The following HMGCLL1 variants were observed in gnomAD, a reference collection of about 807,000 sequenced individuals.
The protein encoded by HMGCLL1 is 3-hydroxy-3-methylglutaryl-CoA lyase like 1.
Under a neutral mutation model 39.1 loss-of-function variants are expected in HMGCLL1, and 36 were observed. That is an observed-to-expected ratio of 0.92 (90% CI 0.71 to 1.22). The LOEUF (loss-of-function observed/expected upper bound fraction) is 1.22, where lower values mean the gene tolerates loss of function less well. Among genes scored for constraint, HMGCLL1 ranks in the 50% most tolerant of loss-of-function variants. The pLI, the probability that HMGCLL1 is intolerant of heterozygous loss-of-function variation, is 0.00. For missense variants in HMGCLL1, 451 were observed against 416.5 expected (o/e 1.08, Z -0.72); for synonymous variants, 149 against 144.0 (o/e 1.03, Z -0.25).
chr6:55,595,429 C>T, the HMGCLL1 span, among the ~76,000 whole-genome samples: 4 of 152,162 alleles, frequency 2.6e-5, no homozygotes, highest in Non-Finnish European at 5.9e-5. Context: ...ATATTTATTA[C>T]ATTACCTACA....
chr6:55,643,177 G>A, the HMGCLL1 span, among the ~76,000 whole-genome samples: 2 of 152,176 alleles, frequency 1.3e-5, no homozygotes, highest in South Asian at 4.1e-4. Context: ...TTGCTGGGGT[G>A]AATGGTAATA....
At chr6:55,511,326 C>T (rs9296790) in intron 5 of HMGCLL1, among the ~76,000 whole-genome samples, 103,347 of 151,402 alleles carry the variant, frequency 0.68, 35,259 homozygotes, top group Non-Finnish European at 0.7. Flanking sequence ...CATGGTATCT[C>T]TTCACAATGT....
At chr6:55,600,661 G>GAATAAA in the HMGCLL1 span, among the ~76,000 whole-genome samples, 3 of 151,890 alleles carry the variant, frequency 2.0e-5, no homozygotes, top group Non-Finnish European at 4.4e-5. Flanking sequence ...TAATTCTAAA[G>GAATAAA]AATAAAAAAA....
chr6:55,467,755 A>T (rs1027569561), intron 7 of HMGCLL1, among the ~76,000 whole-genome samples: 6 of 152,008 alleles, frequency 3.9e-5, no homozygotes, highest in Non-Finnish European at 7.4e-5. Context: ...TAGGTGTTGA[A>T]CATAAAGCAT....
chr6:55,667,692 A>C, the HMGCLL1 span, among the ~76,000 whole-genome samples: 1 of 151,790 alleles, frequency 6.6e-6, no homozygotes, highest in Non-Finnish European at 1.5e-5. Context: ...TCTAAGCACA[A>C]CTGGAGAGAA....
At chr6:55,483,980 G>A (rs568792668) in intron 7 of HMGCLL1, among the ~76,000 whole-genome samples, 2 of 152,096 alleles carry the variant, frequency 1.3e-5, no homozygotes, top group Non-Finnish European at 2.9e-5. Flanking sequence ...GAATGGGTTA[G>A]GTAATAAATG....
intron 7 of HMGCLL1, among the ~76,000 whole-genome samples, chr6:55,477,167 ATAATATATATTATAT>A (rs1765346946): frequency 2.1e-5 from 1 of 48,318 alleles, no homozygotes; most frequent in Non-Finnish European, 3.4e-5. Context: ...ATATTATAAT[ATAATATATATTATAT>A]TTATATATTA....
chr6:55,474,872 A>G (rs911655329), intron 7 of HMGCLL1, among the ~76,000 whole-genome samples: 1 of 151,628 alleles, frequency 6.6e-6, no homozygotes, highest in Non-Finnish European at 1.5e-5. Context: ...CCTTTTCTAT[A>G]TAAGGCGGGC....
chr6:55,555,068 A>T (rs568006827), intron 1 of HMGCLL1, among the ~76,000 whole-genome samples: 1 of 152,294 alleles, frequency 6.6e-6, no homozygotes, highest in South Asian at 2.1e-4. Flanking sequence ...TATCCTCTAT[A>T]ACTTTCCATT....
chr6:55,497,223 G>A (rs1374713114), intron 6 of HMGCLL1, among the ~76,000 whole-genome samples: 1 of 151,994 alleles, frequency 6.6e-6, no homozygotes, highest in Non-Finnish European at 1.5e-5. Context: ...ACACTGGGCA[G>A]AAGATTAGTC....
chr6:55,588,176 T>C, the HMGCLL1 span, among the ~76,000 whole-genome samples: 1 of 152,122 alleles, frequency 6.6e-6, no homozygotes, highest in Non-Finnish European at 1.5e-5. Flanking sequence ...TCAGCAAATG[T>C]AAAAGAACAG....
intron 7 of HMGCLL1, among the ~76,000 whole-genome samples, chr6:55,446,267 T>C (rs1422782797): frequency 6.8e-6 from 1 of 147,722 alleles, no homozygotes; most frequent in Admixed American, 6.8e-5. Context: ...ATAACATGTA[T>C]ATTTATAACA....
chr6:55,637,459 T>G, the HMGCLL1 span, among the ~76,000 whole-genome samples: 1 of 151,792 alleles, frequency 6.6e-6, no homozygotes, highest in Non-Finnish European at 1.5e-5. Flanking sequence ...TGGGATTTAT[T>G]TGCTTTCTTA....
intron 1 of HMGCLL1, among the ~76,000 whole-genome samples, chr6:55,543,488 GATATATATCATA>G (rs1769750379): frequency 2.4e-4 from 2 of 8,480 alleles, no homozygotes; most frequent in Non-Finnish European, 5.2e-4. Flanking sequence ...ATATATATAT[GATATATATCATA>G]TATATCATAT....
chr6:55,502,346 G>T (rs1766934121), intron 5 of HMGCLL1, among the ~76,000 whole-genome samples: 1 of 151,416 alleles, frequency 6.6e-6, no homozygotes, highest in Non-Finnish European at 1.5e-5. Flanking sequence ...GCTATCTCAG[G>T]ATCTGCTATA....
the HMGCLL1 span, among the ~76,000 whole-genome samples, chr6:55,632,705 T>A: frequency 6.6e-6 from 1 of 152,048 alleles, no homozygotes; most frequent in South Asian, 2.1e-4. Flanking sequence ...ATAGCACCTG[T>A]TATATCATAA....
intron 1 of HMGCLL1, among the ~76,000 whole-genome samples, chr6:55,578,226 TAATA>T (rs1033879484): frequency 1.3e-5 from 2 of 152,210 alleles, no homozygotes; most frequent in African/African-American, 4.8e-5. Context: ...ATCAGTTATT[TAATA>T]TTTTGTGGAA....
At chr6:55,566,508 G>T in intron 1 of HMGCLL1, 1 of 411,190 alleles carries the variant, frequency 2.4e-6, no homozygotes, top group East Asian at 7.2e-5. Flanking sequence ...ACTTACTATT[G>T]GTGGAAAAAA....
intron 7 of HMGCLL1, among the ~76,000 whole-genome samples, chr6:55,491,260 T>C (rs991737682): frequency 6.6e-6 from 1 of 152,180 alleles, no homozygotes; most frequent in Non-Finnish European, 1.5e-5. Flanking sequence ...TTAAACATGG[T>C]TTATTAAGCA....
Sources: allele counts gnomAD v4.1 joint callset (sites outside exome capture counted in the v4.1 genomes callset), GRCh38; gene constraint gnomAD v4.1.1; transcripts MANE v1.5; gene names NCBI Gene and HGNC (gene_info 2026-07-23, HGNC 2026-07-21).